The following PALLD variants were observed in gnomAD, a reference collection of about 807,000 sequenced individuals.
PALLD encodes the protein palladin, cytoskeletal associated protein, also known as palladin.
Under a neutral mutation model 123.5 loss-of-function variants are expected in PALLD, and 61 were observed. The observed-to-expected ratio is 0.49, with a 90% CI of 0.40 to 0.61. The LOEUF is 0.61. Ranked by LOEUF, PALLD falls within the 20% of genes least tolerant of loss-of-function variation. The pLI is 0.00. For synonymous variants in PALLD, 465 were observed against 496.4 expected (o/e 0.94, Z 0.84); for missense variants, 1,273 against 1,377.0 (o/e 0.92, Z 1.20).
At chr4:168,514,684 C>T (rs1415606594) in intron 2 of PALLD, among the ~76,000 whole-genome samples, 1 of 152,134 alleles carries the variant, frequency 6.6e-6, no homozygotes, top group Non-Finnish European at 1.5e-5. Context: ...ATTAGACATT[C>T]ATTCTCATGT....
chr4:168,855,088 T>C (rs538499075), intron 10 of PALLD, among the ~76,000 whole-genome samples: 1 of 121,300 alleles, frequency 8.2e-6, no homozygotes, highest in East Asian at 2.5e-4. Flanking sequence ...GAAGGAATGT[T>C]CTTTTTTTTT....
intron 10 of PALLD, among the ~76,000 whole-genome samples, chr4:168,759,193 AAAAAAAAAAATATATAT>A (rs1366934278): frequency 9.2e-5 from 3 of 32,450 alleles, no homozygotes; most frequent in South Asian, 1.0e-3. Flanking sequence ...AAAAAAAAAA[AAAAAAAAAAATATATAT>A]ATATATATAT....
chr4:168,512,619 TAAGG>T (rs951664611), intron 2 of PALLD, among the ~76,000 whole-genome samples: 6 of 152,094 alleles, frequency 3.9e-5, no homozygotes, highest in African/African-American at 1.4e-4. Context: ...CCCTCTGTGC[TAAGG>T]AAGGAAGGCA....
intron 2 of PALLD, among the ~76,000 whole-genome samples, chr4:168,543,582 G>A (rs1765856682): frequency 6.6e-6 from 1 of 151,958 alleles, no homozygotes; most frequent in African/African-American, 2.4e-5. Flanking sequence ...TGAAGTAAAT[G>A]AAAATGAGCT....
chr4:168,689,840 A>G (rs1409748946), intron 6 of PALLD, among the ~76,000 whole-genome samples: 1 of 152,182 alleles, frequency 6.6e-6, no homozygotes, highest in Non-Finnish European at 1.5e-5. Flanking sequence ...GGTAGAGAGA[A>G]GATATATGTG....
chr4:168,544,990 T>C (rs1236031278), intron 2 of PALLD, among the ~76,000 whole-genome samples: 2 of 152,192 alleles, frequency 1.3e-5, no homozygotes, highest in Non-Finnish European at 2.9e-5. Flanking sequence ...TCAGGACAGA[T>C]GCAGGTCTGA....
intron 10 of PALLD, among the ~76,000 whole-genome samples, chr4:168,733,272 G>A (rs1787360514): frequency 6.6e-6 from 1 of 151,760 alleles, no homozygotes; most frequent in African/African-American, 2.4e-5. Flanking sequence ...TTGTATTTTT[G>A]TACCCATTAA....
chr4:168,696,166 G>A (rs897824847), intron 8 of PALLD, among the ~76,000 whole-genome samples: 4 of 152,066 alleles, frequency 2.6e-5, no homozygotes, highest in Non-Finnish European at 4.4e-5. Context: ...AGGGAGAGGG[G>A]GAAGACTCAA....
At chr4:168,810,728 A>G (rs1380219509) in intron 10 of PALLD, among the ~76,000 whole-genome samples, 1 of 151,846 alleles carries the variant, frequency 6.6e-6, no homozygotes, top group Non-Finnish European at 1.5e-5. Flanking sequence ...GAATGGCGTG[A>G]ACCCGGGAAG....
At chr4:168,803,590 A>T (rs1004873570) in intron 10 of PALLD, among the ~76,000 whole-genome samples, 1 of 151,232 alleles carries the variant, frequency 6.6e-6, no homozygotes, top group Non-Finnish European at 1.5e-5. Context: ...GGAGGCTGAC[A>T]TGGGAAGATG....
At chr4:168,789,174 C>A (rs1368278521) in intron 10 of PALLD, among the ~76,000 whole-genome samples, 1 of 152,160 alleles carries the variant, frequency 6.6e-6, no homozygotes, top group African/African-American at 2.4e-5. Flanking sequence ...CACTCTCATT[C>A]ATGTCTTTTA....
At chr4:168,531,718 T>C (rs1222926536) in intron 2 of PALLD, among the ~76,000 whole-genome samples, 1 of 152,164 alleles carries the variant, frequency 6.6e-6, no homozygotes. Context: ...GAAGATATAA[T>C]GTAGGTAAAA....
intron 10 of PALLD, among the ~76,000 whole-genome samples, chr4:168,743,396 T>C (rs980315979): frequency 2.0e-5 from 3 of 152,258 alleles, no homozygotes; most frequent in Admixed American, 1.3e-4. Flanking sequence ...AAACTTAATA[T>C]GGTTCAATTA....
At chr4:168,681,239 A>G (rs1027639830) in intron 3 of PALLD, 93 bp from the exon 4 acceptor site, 5 of 798,440 alleles carry the variant, frequency 6.3e-6, no homozygotes, top group Non-Finnish European at 1.1e-5. Context: ...AAGACTTTGT[A>G]TGTTATTTTA....
chr4:168,820,765 G>T (rs1161704288), intron 10 of PALLD, among the ~76,000 whole-genome samples: 3 of 152,030 alleles, frequency 2.0e-5, no homozygotes, highest in Non-Finnish European at 4.4e-5. Context: ...AAAATGATGG[G>T]CTTCCAGAAG....
chr4:168,812,953 C>T (rs752856074), intron 10 of PALLD, among the ~76,000 whole-genome samples: 17 of 151,414 alleles, frequency 1.1e-4, no homozygotes, highest in South Asian at 2.1e-4. Flanking sequence ...GATTCATCAG[C>T]GAGATCCCAG....
chr4:168,572,660 CCA>C (rs1769118704), intron 2 of PALLD, among the ~76,000 whole-genome samples: 4 of 151,870 alleles, frequency 2.6e-5, no homozygotes, highest in Non-Finnish European at 5.9e-5. Context: ...TTGCTTAAAG[CCA>C]AAGCCTGAGA....
chr4:168,855,594 A>G (rs561137002), intron 10 of PALLD, among the ~76,000 whole-genome samples: 30 of 152,174 alleles, frequency 2.0e-4, no homozygotes, highest in Non-Finnish European at 3.8e-4. Context: ...TGACCTTGAC[A>G]TTATGTAATA....
chr4:168,664,396 A>G (rs969509447), intron 2 of PALLD, among the ~76,000 whole-genome samples: 3 of 152,240 alleles, frequency 2.0e-5, no homozygotes, highest in African/African-American at 7.2e-5. Context: ...TAACTCATCT[A>G]TTTAGTCATC....
Sources: allele counts gnomAD v4.1 joint callset (sites outside exome capture counted in the v4.1 genomes callset), GRCh38; gene constraint gnomAD v4.1.1; transcripts MANE v1.5; gene names NCBI Gene and HGNC (gene_info 2026-07-23, HGNC 2026-07-21).